AZIN2: variants seen among roughly 807,000 people sequenced by gnomAD.
The protein encoded by AZIN2 is antizyme inhibitor 2, also known as ODC antizyme inhibitor-2.
AZIN2 carries 28 observed loss-of-function variants against 47.8 expected under a neutral mutation model. The ratio of observed to expected loss-of-function variants is 0.59; its 90% confidence interval spans 0.43 to 0.80. AZIN2 has a LOEUF of 0.80. Ranked by LOEUF, AZIN2 falls within the 30% of genes least tolerant of loss-of-function variation. The probability of loss-of-function intolerance (pLI) is 0.00; values close to 1 mark genes in which losing one functional copy is unlikely to be tolerated. For synonymous variants in AZIN2, 221 were observed against 239.4 expected (o/e 0.92, Z 0.71); for missense variants, 535 against 582.5 (o/e 0.92, Z 0.84).
chr1:33,083,925 C>G (rs757367203), intron 4 of AZIN2, 29 bp from the exon 5 acceptor site: 1 of 1,613,232 alleles, frequency 6.2e-7, no homozygotes, highest in South Asian at 1.1e-5. Flanking sequence ...TGGATGGGGT[C>G]TCACATTCAT....
intron 11 of AZIN2, 39 bp from the exon 12 acceptor site, chr1:33,120,005 C>T (rs766719604): frequency 1.2e-6 from 2 of 1,612,062 alleles, no homozygotes; most frequent in Admixed American, 1.7e-5. Flanking sequence ...CCTGCCAGTC[C>T]CATGCTGGCT....
the AZIN2 span, among the ~76,000 whole-genome samples, chr1:33,154,088 C>T: frequency 7.9e-5 from 12 of 152,076 alleles, no homozygotes; most frequent in Non-Finnish European, 1.2e-4. Context: ...GGGCTGCAGC[C>T]GAAGGGAATG....
At chr1:33,106,429 A>G (rs1278293921) in intron 10 of AZIN2, among the ~76,000 whole-genome samples, 1 of 152,144 alleles carries the variant, frequency 6.6e-6, no homozygotes, top group African/African-American at 2.4e-5. Context: ...CAAAACCACA[A>G]TTACCTTAAC....
intron 10 of AZIN2, among the ~76,000 whole-genome samples, chr1:33,106,338 A>G (rs548622231): frequency 2.0e-5 from 3 of 152,226 alleles, no homozygotes; most frequent in South Asian, 2.1e-4. Context: ...TCTACCAAAC[A>G]TGTAAAAAAG....
At chr1:33,099,027 A>T (rs1354401159) in intron 10 of AZIN2, among the ~76,000 whole-genome samples, 1 of 151,836 alleles carries the variant, frequency 6.6e-6, no homozygotes, top group Non-Finnish European at 1.5e-5. Context: ...GGCCTCCCAA[A>T]GTGCTGGGAT....
At chr1:33,137,826 A>G in the AZIN2 span, among the ~76,000 whole-genome samples, 1 of 152,174 alleles carries the variant, frequency 6.6e-6, no homozygotes, top group African/African-American at 2.4e-5. Flanking sequence ...CAAGGGCAAG[A>G]GGCACTGTCG....
chr1:33,154,747 G>A, the AZIN2 span, among the ~76,000 whole-genome samples: 16 of 148,980 alleles, frequency 1.1e-4, no homozygotes, highest in Non-Finnish European at 2.1e-4. Context: ...GCAGTGAGCC[G>A]AGATCACGCC....
chr1:33,133,655 C>T, the AZIN2 span, among the ~76,000 whole-genome samples: 26 of 152,308 alleles, frequency 1.7e-4, no homozygotes, highest in East Asian at 2.3e-3. Context: ...AAGCCACCCA[C>T]GTCTGGCCAA....
At chr1:33,111,032 TTG>T (rs1352731221) in intron 10 of AZIN2, among the ~76,000 whole-genome samples, 1 of 152,176 alleles carries the variant, frequency 6.6e-6, no homozygotes, top group East Asian at 1.9e-4. Context: ...AGTGGCAAAC[TTG>T]TCAGAGGGTG....
chr1:33,118,924 G>T (rs1398901127), intron 11 of AZIN2: 1 of 152,304 alleles, frequency 6.6e-6, no homozygotes, highest in East Asian at 1.9e-4. Flanking sequence ...ACACTCTGTG[G>T]GGGTCAGCGT....
At chr1:33,155,018 G>A in the AZIN2 span, among the ~76,000 whole-genome samples, 246 of 142,090 alleles carry the variant, frequency 1.7e-3, 2 homozygotes, top group Non-Finnish European at 2.6e-3. Flanking sequence ...GCGTGAACCC[G>A]GGAGGCAGAC....
At chr1:33,115,860 CTT>C (rs1452495644) in intron 10 of AZIN2, among the ~76,000 whole-genome samples, 3 of 152,306 alleles carry the variant, frequency 2.0e-5, no homozygotes, top group Middle Eastern at 3.4e-3. Flanking sequence ...TGCCTTTTCT[CTT>C]TACCATGGAA....
chr1:33,159,651 T>C, the AZIN2 span: 1 of 1,581,516 alleles, frequency 6.3e-7, no homozygotes, highest in East Asian at 2.3e-5. The surrounding 1 kb of genome is among the most constrained non-coding windows in gnomAD (Gnocchi z 4.2). Flanking sequence ...GAGGAGGGGA[T>C]GGTCAGCCGG....
Position 33,092,212 on chromosome 1 carries a change from C to A in AZIN2, c.442C>A (p.Pro148Thr). ...MELAKVVKSH[P>T]SAKMVLCIAT... ...GCTGGCAAAGGTGGTAAAGAGCCAC[C>A]CCAGTGCCAAGTAAGCTGAGAACCA... is the stretch of plus-strand genomic sequence containing the variant. The change falls in exon 6 of 12, where the codon CCC (proline) becomes ACC (threonine). Residue 148 changes from proline (P) to threonine (T), a missense_variant. By Grantham distance (38) the Pro-to-Thr change is conservative. Transcript: ENST00000294517. 8 of 1,613,774 alleles carry A rather than the reference C, an allele frequency of 5.0e-6. No homozygotes were observed. The highest frequency in any genetic ancestry group is 6.8e-6 in the Non-Finnish European group (8 of 1,179,880).
At chr1:33,134,921 C>T in the AZIN2 span, among the ~76,000 whole-genome samples, 639 of 152,316 alleles carry the variant, frequency 4.2e-3, 1 homozygote, top group Non-Finnish European at 7.2e-3. Flanking sequence ...GCTGCTTTCC[C>T]GCTGGGTTCC....
chr1:33,154,996 G>A, the AZIN2 span, among the ~76,000 whole-genome samples: 4 of 149,790 alleles, frequency 2.7e-5, no homozygotes, highest in East Asian at 8.1e-4. Context: ...GGGAGGCTGA[G>A]GCGGGAGAAT....
At chr1:33,141,035 G>A in the AZIN2 span, among the ~76,000 whole-genome samples, 1 of 152,194 alleles carries the variant, frequency 6.6e-6, no homozygotes, top group African/African-American at 2.4e-5. Flanking sequence ...CTTTGCATCT[G>A]TGTCTCAGTT....
Position 33,113,956 on chromosome 1 carries a change from T to G in AZIN2, c.1030-3946T>G, listed in dbSNP as rs1308625474. Among the ~76,000 whole-genome samples, 1 of 152,192 alleles carries G rather than the reference T, an allele frequency of 6.6e-6. No homozygotes were observed. The highest frequency in any genetic ancestry group is 1.5e-5 in the Non-Finnish European group (1 of 68,022). On this transcript the variant is annotated intron_variant, in intron 10 of 11. Transcript: ENST00000294517. This position sits in a 1 kb window ranked among gnomAD's most constrained non-coding sequence, Gnocchi z 4.1. ...AGTGATTGACTTCTCTCCTGTTGTC[T>G]GCACCTTTCATTTTAGAGATAATAT...
At chr1:33,156,022 G>A in the AZIN2 span, among the ~76,000 whole-genome samples, 2 of 152,298 alleles carry the variant, frequency 1.3e-5, no homozygotes, top group Admixed American at 1.3e-4. Flanking sequence ...TGCCCCACTG[G>A]CTTTGGTGCC....
Sources: allele counts gnomAD v4.1 joint callset (sites outside exome capture counted in the v4.1 genomes callset), GRCh38; gene constraint gnomAD v4.1.1; non-coding constraint Gnocchi (gnomAD v3.1); transcripts MANE v1.5; gene names NCBI Gene and HGNC (gene_info 2026-07-23, HGNC 2026-07-21).